TANK: variants seen among roughly 807,000 people sequenced by gnomAD.
The protein encoded by TANK is TRAF family member-associated NF-kappa-B activator.
A neutral mutation model predicts 43.6 loss-of-function variants in TANK; 15 were observed. That is an observed-to-expected ratio of 0.34 (90% CI 0.23 to 0.53). TANK has a LOEUF of 0.53. Ranked by LOEUF, TANK falls within the 20% of genes least tolerant of loss-of-function variation. The pLI is 0.94. For missense variants in TANK, 417 were observed against 498.6 expected (o/e 0.84, Z 1.56); for synonymous variants, 162 against 178.2 (o/e 0.91, Z 0.73).
At chr2:161,149,841 G>T (rs1044842543) in intron 1 of TANK, among the ~76,000 whole-genome samples, 1 of 151,684 alleles carries the variant, frequency 6.6e-6, no homozygotes, top group Non-Finnish European at 1.5e-5. Context: ...AATCACACTT[G>T]ATCATGATGT....
chr2:161,153,153 C>G (rs1433191119), intron 1 of TANK, among the ~76,000 whole-genome samples: 1 of 151,946 alleles, frequency 6.6e-6, no homozygotes, highest in African/African-American at 2.4e-5. Context: ...TTGTGCCATT[C>G]AGCTCCAGAA....
In TANK at chr2:161,236,226, A is replaced by C. The variant is rs535702735; in HGVS notation, c.*708A>C. The C allele has an allele frequency of 4.9e-4, 74 of 151,594 alleles. No individual in the cohort carries two copies. The highest frequency in any genetic ancestry group is 1.8e-3 in the African/African-American group (73 of 41,358). 9.4% of individuals were successfully genotyped at this position (151,594 alleles called of 1,614,324 possible). On this transcript the variant is annotated 3_prime_UTR_variant, in exon 8 of 8. Transcript: ENST00000392749. ...TGTTCCTGAGTAAAAAAAAAAAAAA[A>C]AAAAGGGAAGGAAGGAATCACATTT...
At chr2:161,203,716 G>A (rs2097406134) in intron 3 of TANK, 121 bp downstream of exon 3, 2 of 626,700 alleles carry the variant, frequency 3.2e-6, no homozygotes, top group Non-Finnish European at 5.6e-6. Context: ...TATAACTGTG[G>A]TACAGTTATA....
intron 1 of TANK, chr2:161,161,357 G>C (rs1684425952): frequency 6.4e-7 from 1 of 1,550,612 alleles, no homozygotes; most frequent in African/African-American, 1.4e-5. Context: ...TGAAATTGAA[G>C]GAAAAGAAAA....
chr2:161,219,918 C>G (rs1271296931), intron 4 of TANK: 1 of 339,562 alleles, frequency 2.9e-6, no homozygotes, highest in East Asian at 8.5e-5. Context: ...TTTTATCAAG[C>G]TAACATTTAT....
At chr2:161,234,418 T>TA (rs1420014435) in intron 7 of TANK, among the ~76,000 whole-genome samples, 1 of 152,178 alleles carries the variant, frequency 6.6e-6, no homozygotes, top group Non-Finnish European at 1.5e-5. Flanking sequence ...TAAGAAATTT[T>TA]AAAAAATAAT....
intron 4 of TANK, chr2:161,207,597 G>A (rs1206584478): frequency 5.1e-6 from 5 of 985,282 alleles, no homozygotes; most frequent in Non-Finnish European, 6.0e-6. Context: ...AGTTGGCTGT[G>A]TGCTTAGTGT....
At chr2:161,158,645 T>G (rs1684287057), upstream of TANK, among the ~76,000 whole-genome samples, 1 of 152,248 alleles carries the variant, frequency 6.6e-6, no homozygotes, top group African/African-American at 2.4e-5. Flanking sequence ...ATTCCACTAT[T>G]TCAATCAGAA....
chr2:161,231,897 GTTTTA>G (rs1209560860), intron 7 of TANK, among the ~76,000 whole-genome samples: 7 of 152,116 alleles, frequency 4.6e-5, no homozygotes, highest in African/African-American at 1.2e-4. Context: ...AACAAATGCT[GTTTTA>G]TTTAATAGTT....
intron 6 of TANK, among the ~76,000 whole-genome samples, chr2:161,229,997 G>C (rs1396184315): frequency 6.6e-6 from 1 of 152,124 alleles, no homozygotes; most frequent in African/African-American, 2.4e-5. Flanking sequence ...TGTTTTCTAA[G>C]TTCTTATATC....
intron 2 of TANK, chr2:161,201,310 T>C: frequency 2.3e-6 from 2 of 885,638 alleles, no homozygotes; most frequent in South Asian, 1.0e-4. Flanking sequence ...TTGTAATATC[T>C]TATATGCAGA....
intron 4 of TANK, chr2:161,207,732 T>G: frequency 1.0e-6 from 1 of 985,342 alleles, no homozygotes. Flanking sequence ...CTAATACAGG[T>G]GAAACCTTTC....
chr2:161,220,131 G>A (rs1181045665), intron 4 of TANK, among the ~76,000 whole-genome samples: 1 of 152,128 alleles, frequency 6.6e-6, no homozygotes, highest in Non-Finnish European at 1.5e-5. Context: ...TTGCATGCAA[G>A]GATCGTAACT....
intron 4 of TANK, among the ~76,000 whole-genome samples, chr2:161,219,219 C>G (rs1474254361): frequency 6.6e-6 from 1 of 152,112 alleles, no homozygotes; most frequent in Non-Finnish European, 1.5e-5. Flanking sequence ...AGGATTTTAC[C>G]TTTTCTGAAC....
intron 2 of TANK, chr2:161,201,035 T>G: frequency 1.1e-6 from 1 of 915,702 alleles, no homozygotes; most frequent in Non-Finnish European, 1.3e-6. Context: ...TAGAGGGAAA[T>G]CAGACATTAG....
intron 2 of TANK, among the ~76,000 whole-genome samples, chr2:161,180,585 T>C (rs1685373931): frequency 6.6e-6 from 1 of 152,210 alleles, no homozygotes; most frequent in Non-Finnish European, 1.5e-5. Context: ...CATATACTTT[T>C]GTGAAATGAT....
At chr2:161,185,631 A>G (rs1164106769) in intron 2 of TANK, among the ~76,000 whole-genome samples, 4 of 148,710 alleles carry the variant, frequency 2.7e-5, no homozygotes, top group African/African-American at 7.4e-5. Flanking sequence ...CAAACACCGC[A>G]TATTCTCACT....
intron 2 of TANK, among the ~76,000 whole-genome samples, chr2:161,188,379 A>G (rs998469787): frequency 6.6e-6 from 1 of 152,162 alleles, no homozygotes; most frequent in African/African-American, 2.4e-5. Context: ...AAAGTTAAAA[A>G]TATCATAAAA....
At chr2:161,150,442 TC>T (rs1306403615) in intron 1 of TANK, among the ~76,000 whole-genome samples, 1 of 152,096 alleles carries the variant, frequency 6.6e-6, no homozygotes, top group Non-Finnish European at 1.5e-5. Context: ...TCATTGATTC[TC>T]TCAACTGTGT....
Sources: gnomAD v4.1 joint callset for allele counts (sites outside exome capture counted in the v4.1 genomes callset) on GRCh38, gnomAD v4.1.1 for gene constraint, MANE v1.5 for transcripts, NCBI Gene and HGNC (gene_info 2026-07-23, HGNC 2026-07-21) for gene names.